Variants in MPIG6B observed in about 807,000 individuals in gnomAD.
The protein encoded by MPIG6B is immunoglobulin receptor.
In MPIG6B, 22 loss-of-function variants were observed where a neutral mutation model predicts 24.2. The observed-to-expected ratio is 0.91, with a 90% CI of 0.65 to 1.30. The LOEUF (loss-of-function observed/expected upper bound fraction) is 1.30. Ranked by LOEUF, MPIG6B falls within the 50% of genes most tolerant of loss-of-function variation. The probability of loss-of-function intolerance (pLI) is 0.00; values close to 1 mark genes in which losing one functional copy is unlikely to be tolerated. For synonymous variants in MPIG6B, 136 were observed against 142.0 expected, an observed-to-expected ratio of 0.96 and a Z score of 0.30; for missense variants, 301 against 318.5, an observed-to-expected ratio of 0.94 and a Z score of 0.42.
upstream of MPIG6B, chr6:31,721,838 C>T: frequency 2.9e-6 from 2 of 699,452 alleles, no homozygotes; most frequent in African/African-American, 1.8e-5. Context: ...TACTACGCAG[C>T]TGACCAGAGA....
chr6:31,724,919 C>T, intron 5 of MPIG6B, 51 bp from the exon 6 acceptor site: 2 of 1,609,326 alleles, frequency 1.2e-6, no homozygotes, highest in East Asian at 4.5e-5. Context: ...AGGCCTGAAC[C>T]CCAAGGAAGA....
chr6:31,723,569 A>G lies in MPIG6B; in HGVS notation c.62-70A>G. The G allele has an allele frequency of 7.0e-7, 1 of 1,431,744 alleles. No homozygotes were observed. Among genetic ancestry groups the G allele is most frequent in the Non-Finnish European group, 9.6e-7 (1 of 1,045,626 alleles). 88.7% of individuals were successfully genotyped at this position (1,431,744 alleles called of 1,614,324 possible). ...CTGGAGTGCAGAACAGAGAAGAGAA[A>G]GAGGAGACGGGATGGAGGGTCGTCT... is the stretch of plus-strand genomic sequence containing the variant. On this transcript the variant is annotated intron_variant, in intron 1 of 5. Transcript: ENST00000649779. The surrounding 1 kb of genome is among the most constrained non-coding windows in gnomAD (Gnocchi z 4.3).
chr6:31,723,476 G>A lies in MPIG6B; in HGVS notation c.61+32G>A, dbSNP rs1474131472. On this transcript the variant is annotated intron_variant, in intron 1 of 5. Transcript: ENST00000649779. The surrounding 1 kb of genome is among the most constrained non-coding windows in gnomAD (Gnocchi z 4.3). ...GATCCCTGGGAGAGTTGTGATAGAC[G>A]CAGAGGGGCTGAAGCAAGATAAGGG... The A allele has an allele frequency of 1.9e-6, 3 of 1,597,048 alleles. No individual in the cohort carries two copies. The highest frequency in any genetic ancestry group is 1.3e-5 in the African/African-American group (1 of 74,680).
At position 31,724,608 on chromosome 6, in the gene MPIG6B, T is replaced by C; in HGVS notation, c.522T>C (p.Ile174=). 6.2e-7 allele frequency: 1 copy of C among 1,613,972 alleles called. No homozygotes were observed. The highest frequency in any genetic ancestry group is 8.5e-7 in the Non-Finnish European group (1 of 1,179,820). The change falls in exon 4 of 6, where the codon ATT becomes ATC. Residue 174 remains isoleucine (I), a synonymous_variant. Transcript: ENST00000649779. ...ACAGGCGCCTGCCCCCGCAACCGAT[T>C]CGACCACTCCCTAGATTTGGTGAGA... ...WLHRRLPPQP[I]RPLPRFAPLV...
Position 31,724,598 on chromosome 6 carries a change from C to T in MPIG6B, c.512C>T (p.Pro171Leu), listed in dbSNP as rs144674065. 3.0e-5 allele frequency: 49 copies of T among 1,613,754 alleles called. No individual in the cohort carries two copies. The highest frequency in any genetic ancestry group is 3.8e-5 in the Non-Finnish European group (45 of 1,179,748). The change falls in exon 4 of 6, where the codon CCG becomes CTG. Residue 171 changes from proline to leucine, a missense_variant. Transcript: ENST00000649779. ...TATGTCCCTTACAGGCGCCTGCCCC[C>T]GCAACCGATTCGACCACTCCCTAGA... ...LVWWLHRRLP[P>L]QPIRPLPRFA... is the part of the protein sequence containing the mutation.
Position 31,724,753 on chromosome 6 carries a change from C to T in MPIG6B, c.542-12C>T, listed in dbSNP as rs779948658. On this transcript the variant is annotated splice_polypyrimidine_tract_variant and intron_variant, in intron 4 of 5. Transcript: ENST00000649779. ...CTTCTCTCCATCCTTCAGCTCTGTC[C>T]CCCCCACATAGCTCCACTTGTGAAA... 3 of 1,613,998 alleles carry T rather than the reference C, an allele frequency of 1.9e-6. No homozygotes were observed. Among genetic ancestry groups the T allele is most frequent in the Non-Finnish European group, 2.5e-6 (3 of 1,179,922 alleles).
chr6:31,723,607 G>T lies in MPIG6B; in HGVS notation c.62-32G>T, dbSNP rs761270312. 29 of 1,508,928 alleles carry T rather than the reference G, an allele frequency of 1.9e-5. No homozygotes were observed. The East Asian group carries it at 5.7e-4, about 29-fold the overall frequency. 93.5% of individuals were successfully genotyped at this position (1,508,928 alleles called of 1,614,324 possible). ...TGGAGGGTCGTCTTGCCCTGTGGAC[G>T]TGCCCTAACCACAGCCTCCGGCCTC... On this transcript the variant is annotated intron_variant, in intron 1 of 5. Transcript: ENST00000649779. The surrounding 1 kb of genome is among the most constrained non-coding windows in gnomAD (Gnocchi z 4.3).
chr6:31,723,288 C>T (rs1210559066), upstream of MPIG6B: 6 of 987,926 alleles, frequency 6.1e-6, no homozygotes, highest in African/African-American at 8.0e-5. This position sits in a 1 kb window ranked among gnomAD's most constrained non-coding sequence, Gnocchi z 4.3. Flanking sequence ...CCCCCCAGCC[C>T]CTCCGTTCTC....
rs982833201 is a variant in MPIG6B at position 31,726,363 on chromosome 6, T to A, written c.*1289T>A. 3 of 152,274 alleles carry A rather than the reference T, an allele frequency of 2.0e-5. No individual in the cohort carries two copies. Among genetic ancestry groups the A allele is most frequent in the Non-Finnish European group, 4.4e-5 (3 of 68,066 alleles). 9.4% of individuals were successfully genotyped at this position (152,274 alleles called of 1,614,324 possible). Reference sequence around the variant, plus strand: ...TGCACATCTTAGAAAATGCCAGCCTTAGAGAATTCTCCCTAGCCCCAAAAT... The same window carrying A: ...TGCACATCTTAGAAAATGCCAGCCTAAGAGAATTCTCCCTAGCCCCAAAAT... On this transcript the variant is annotated 3_prime_UTR_variant, in exon 6 of 6. Coordinates refer to ENST00000649779, the MANE Select transcript of MPIG6B (RefSeq NM_138272.3). The surrounding 1 kb of genome is among the most constrained non-coding windows in gnomAD (Gnocchi z 5.1).
At chr6:31,724,069 T>C in intron 2 of MPIG6B, 73 bp from the exon 3 acceptor site, 2 of 1,573,052 alleles carry the variant, frequency 1.3e-6, no homozygotes, top group South Asian at 2.3e-5. Flanking sequence ...TGGGGGTTCT[T>C]GAGCGGGACT....
Position 31,723,847 on chromosome 6 carries a change from T to TATCGG in MPIG6B, c.273_274insGGATC (p.Arg92GlyfsTer9). The TATCGG allele has an allele frequency of 3.7e-6, 6 of 1,610,492 alleles. No individual in the cohort carries two copies. The highest frequency in any genetic ancestry group is 5.1e-6 in the Non-Finnish European group (6 of 1,178,722). ...GCCGCCTACGCTCCCTGGACTCTGG[T>TATCGG]ATCCGGCGGCTGGAGCTCCTCTTGA... On this transcript the variant is annotated frameshift_variant, in exon 2 of 6. Coordinates refer to ENST00000649779, the MANE Select transcript of MPIG6B (RefSeq NM_138272.3). LOFTEE classifies it high-confidence loss of function. This position sits in a 1 kb window ranked among gnomAD's most constrained non-coding sequence, Gnocchi z 4.3.
rs779296363 is a variant in MPIG6B, at chr6:31,724,034, C to G, written c.409+48C>G. 3 of 1,563,990 alleles carry G rather than the reference C, an allele frequency of 1.9e-6. No homozygotes were observed. The South Asian group carries it at 3.6e-5, about 19-fold the overall frequency. ...AAGGGTACTTAACTCCGACACATAC[C>G]CGGAGGAGGGAAGAGGGCCTTGGCT... On this transcript the variant is annotated intron_variant, in intron 2 of 5. Coordinates refer to ENST00000649779, the MANE Select transcript of MPIG6B (RefSeq NM_138272.3).
chr6:31,724,351 A>T, intron 3 of MPIG6B, 119 bp downstream of exon 3: 1 of 939,178 alleles, frequency 1.1e-6, no homozygotes, highest in South Asian at 1.5e-5. Flanking sequence ...CTTGGCGAAG[A>T]ATGGGAGAGG....
At chr6:31,723,327 C>G (rs575775409), upstream of MPIG6B, 99 of 1,508,350 alleles carry the variant, frequency 6.6e-5, no homozygotes, top group African/African-American at 3.7e-4. This position sits in a 1 kb window ranked among gnomAD's most constrained non-coding sequence, Gnocchi z 4.3. Context: ...CCGGTCCCCC[C>G]CCAACCGGCC....
rs538999035 is a variant in MPIG6B at position 31,726,673 on chromosome 6, A to T, written c.*1599A>T. On this transcript the variant is annotated 3_prime_UTR_variant, in exon 6 of 6. Coordinates refer to ENST00000649779, the MANE Select transcript of MPIG6B (RefSeq NM_138272.3). This position sits in a 1 kb window ranked among gnomAD's most constrained non-coding sequence, Gnocchi z 5.1. ...CAACGTCAGGAGACTGACCCTTTTG[A>T]TATCATTGCTAAGCCTCATTAAATG... 1 of 152,542 alleles carries T rather than the reference A, an allele frequency of 6.6e-6. No homozygotes were observed. Among genetic ancestry groups the T allele is most frequent in the South Asian group, 2.1e-4 (1 of 4,878 alleles). 9.4% of individuals were successfully genotyped at this position (152,542 alleles called of 1,614,324 possible).
intron 3 of MPIG6B, 34 bp downstream of exon 3, chr6:31,724,266 G>A (rs1807137885): frequency 2.0e-6 from 3 of 1,531,922 alleles, no homozygotes; most frequent in Non-Finnish European, 2.7e-6. Context: ...GTTAAATGGG[G>A]AGTGACCAGA....
Position 31,725,885 on chromosome 6 carries a change from C to T in MPIG6B, c.*811C>T, listed in dbSNP as rs1807326910. The stretch of plus-strand genomic sequence containing the variant: ...TGACTGACCTCAGGCATTTCGCACT[C>T]TGAATGTCAAACCCAACTCATTGTC... On this transcript the variant is annotated 3_prime_UTR_variant, in exon 6 of 6. Coordinates refer to ENST00000649779, the MANE Select transcript of MPIG6B (RefSeq NM_138272.3). This position sits in a 1 kb window ranked among gnomAD's most constrained non-coding sequence, Gnocchi z 5.2. The T allele has an allele frequency of 6.6e-6, 1 of 152,348 alleles. No individual in the cohort carries two copies. Among genetic ancestry groups the T allele is most frequent in the Admixed American group, 6.5e-5 (1 of 15,282 alleles). The allele number at this position is 152,348 out of a possible 1,614,324, so 9.4% of individuals were successfully genotyped here.
In MPIG6B at chr6:31,725,266, T is replaced by C; in HGVS notation, c.*192T>C. 2 of 588,746 alleles carry C rather than the reference T, an allele frequency of 3.4e-6. No homozygotes were observed. The highest frequency in any genetic ancestry group is 6.0e-6 in the Non-Finnish European group (2 of 331,612). The allele number at this position is 588,746 out of a possible 1,614,324, so 36.5% of individuals were successfully genotyped here. ...TTACTTCTAAACTTACTCCCATCTC[T>C]CCTATAACCTCCATGTCTCCCTCAC... On this transcript the variant is annotated 3_prime_UTR_variant, in exon 6 of 6. Transcript: ENST00000649779. This position sits in a 1 kb window ranked among gnomAD's most constrained non-coding sequence, Gnocchi z 5.2.
At chr6:31,724,901 A>G in intron 5 of MPIG6B, 57 bp downstream of exon 5, 1 of 1,597,298 alleles carries the variant, frequency 6.3e-7, no homozygotes, top group Non-Finnish European at 8.5e-7. Flanking sequence ...AATGGACCAA[A>G]AAAAAAAAGG....
Sources: gnomAD v4.1 joint callset for allele counts on GRCh38, gnomAD v4.1.1 for gene constraint, Gnocchi (gnomAD v3.1) non-coding constraint, MANE v1.5 for transcripts, NCBI Gene and HGNC (gene_info 2026-07-23, HGNC 2026-07-21) for gene names.